WASF1: variants seen among roughly 807,000 people sequenced by gnomAD.
The protein encoded by WASF1 is WASP family member 1, also known as actin-binding protein WASF1.
In WASF1, 7 loss-of-function variants were observed where a neutral mutation model predicts 50.5. The ratio of observed to expected loss-of-function variants is 0.14; its 90% CI spans 0.08 to 0.26. The LOEUF is 0.26. Among genes scored for constraint, WASF1 ranks in the 10% least tolerant of loss-of-function variants. The pLI, the probability that WASF1 is intolerant of heterozygous loss-of-function variation, is 1.00. For missense variants in WASF1, 470 were observed against 694.7 expected, an observed-to-expected ratio of 0.68 and a Z score of 3.64; for synonymous variants, 205 against 244.0, an observed-to-expected ratio of 0.84 and a Z score of 1.49.
intron 4 of WASF1, among the ~76,000 whole-genome samples, chr6:110,124,663 T>C (rs1417042746): frequency 6.6e-6 from 1 of 152,152 alleles, no homozygotes; most frequent in Admixed American, 6.5e-5. Context: ...TCCCAGCACT[T>C]TGGGAGGCCG....
intron 2 of WASF1, among the ~76,000 whole-genome samples, chr6:110,177,522 G>T (rs981058519): frequency 8.6e-5 from 13 of 151,958 alleles, no homozygotes; most frequent in African/African-American, 3.1e-4. Flanking sequence ...TCAGCTAAAA[G>T]ATTTAAATTT....
At chr6:110,118,708 C>T (rs112027458) in intron 4 of WASF1, among the ~76,000 whole-genome samples, 2,623 of 152,254 alleles carry the variant, frequency 0.017, 74 homozygotes, top group African/African-American at 0.059. Context: ...TAGACATCTA[C>T]AGAACTCCAC....
chr6:110,163,538 T>A (rs1776348984), intron 2 of WASF1, among the ~76,000 whole-genome samples: 1 of 151,492 alleles, frequency 6.6e-6, no homozygotes, highest in Non-Finnish European at 1.5e-5. Flanking sequence ...CAAAGTCCTA[T>A]CTCCTAATAC....
intron 2 of WASF1, among the ~76,000 whole-genome samples, chr6:110,164,951 A>G (rs1776412340): frequency 6.6e-6 from 1 of 151,684 alleles, no homozygotes; most frequent in Admixed American, 6.6e-5. Flanking sequence ...TGAAATGGCT[A>G]CATACTCTAT....
Position 110,113,481 on chromosome 6 carries a change from T to C in WASF1, c.134-21A>G. 1.9e-6 allele frequency: 3 copies of C among 1,565,990 alleles called. No homozygotes were observed. The South Asian group carries it at 3.6e-5, about 19-fold the overall frequency. ...TTTACCTAAGCAAAAATGACACATA[T>C]ATCATAAAATTTAACATCCAGAGCA... On this transcript the variant is annotated intron_variant, in intron 4 of 10. Transcript: ENST00000392589.
At chr6:110,106,041 G>A (rs1408080407) in intron 7 of WASF1, among the ~76,000 whole-genome samples, 3 of 152,152 alleles carry the variant, frequency 2.0e-5, no homozygotes, top group Admixed American at 6.5e-5. Flanking sequence ...CTAATTAACC[G>A]ATAATAACTA....
chr6:110,175,865 T>C (rs987886844), intron 2 of WASF1, among the ~76,000 whole-genome samples: 7 of 152,148 alleles, frequency 4.6e-5, no homozygotes, highest in African/African-American at 1.4e-4. Context: ...ATTTTTCCCA[T>C]AGAAAGACTG....
intron 3 of WASF1, among the ~76,000 whole-genome samples, chr6:110,133,053 T>C (rs557957000): frequency 2.5e-4 from 38 of 151,426 alleles, no homozygotes; most frequent in African/African-American, 8.2e-4. Context: ...CTGGATGGAA[T>C]TGGAGACTAT....
intron 2 of WASF1, among the ~76,000 whole-genome samples, chr6:110,171,709 G>A (rs1467131141): frequency 6.6e-6 from 1 of 152,138 alleles, no homozygotes; most frequent in African/African-American, 2.4e-5. Context: ...AAGAGCTTCT[G>A]CACTGCAAAA....
At chr6:110,108,727 G>T in intron 5 of WASF1, 46 bp from the exon 6 acceptor site, 1 of 1,556,100 alleles carries the variant, frequency 6.4e-7, no homozygotes, top group Non-Finnish European at 8.7e-7. Context: ...TTACTAAGAT[G>T]ATTTAACATA....
At chr6:110,121,726 A>C (rs753695847) in intron 4 of WASF1, among the ~76,000 whole-genome samples, 2 of 152,154 alleles carry the variant, frequency 1.3e-5, no homozygotes, top group African/African-American at 4.8e-5. Context: ...TATAAAGACA[A>C]ATGCACATGT....
chr6:110,108,688 C>G lies in WASF1; in HGVS notation c.269-7G>C, dbSNP rs1391508963. ...GTTATATCTTGCAAAGACACTAAAACAAAAATCAAGAATTCATTTTATTTT... is the reference window on the plus strand; with the variant it reads ...GTTATATCTTGCAAAGACACTAAAAGAAAAATCAAGAATTCATTTTATTTT... On this transcript the variant is annotated splice_polypyrimidine_tract_variant and splice_region_variant and intron_variant, in intron 5 of 10. Coordinates refer to ENST00000392589, the MANE Select transcript of WASF1 (RefSeq NM_003931.3). 6.2e-7 allele frequency: 1 copy of G among 1,605,794 alleles called. No homozygotes were observed. The highest frequency in any genetic ancestry group is 1.3e-5 in the African/African-American group (1 of 74,280).
chr6:110,122,040 CG>C (rs901569224), intron 4 of WASF1, among the ~76,000 whole-genome samples: 1 of 118,940 alleles, frequency 8.4e-6, no homozygotes, highest in Non-Finnish European at 1.7e-5. Context: ...GTCGGAGGGT[CG>C]GGGGCTGGGG....
intron 3 of WASF1, among the ~76,000 whole-genome samples, chr6:110,154,773 T>C (rs745536330): frequency 1.5e-3 from 225 of 152,174 alleles, no homozygotes; most frequent in Non-Finnish European, 2.7e-3. Flanking sequence ...CATTTGAAGA[T>C]TTTAAATATT....
intron 4 of WASF1, 148 bp from the exon 5 acceptor site, chr6:110,113,608 G>C: frequency 1.4e-6 from 1 of 729,746 alleles, no homozygotes; most frequent in South Asian, 2.7e-5. Flanking sequence ...ATTACAACTG[G>C]TGACCTGTTG....
chr6:110,133,072 G>A (rs978253694), intron 3 of WASF1, among the ~76,000 whole-genome samples: 3 of 151,446 alleles, frequency 2.0e-5, no homozygotes, highest in African/African-American at 7.3e-5. Flanking sequence ...ATGACTGTAT[G>A]TAAGGTAACT....
intron 3 of WASF1, among the ~76,000 whole-genome samples, chr6:110,137,979 G>A (rs1775044192): frequency 6.6e-6 from 1 of 152,244 alleles, no homozygotes; most frequent in Non-Finnish European, 1.5e-5. Context: ...CTGTGCCAGA[G>A]TTTTGCTCAG....
At chr6:110,105,871 A>C (rs183195605) in intron 7 of WASF1, among the ~76,000 whole-genome samples, 1 of 152,336 alleles carries the variant, frequency 6.6e-6, no homozygotes, top group East Asian at 1.9e-4. Context: ...CTTTCAGATG[A>C]AAAAAGACTC....
intron 3 of WASF1, among the ~76,000 whole-genome samples, chr6:110,146,386 T>C (rs577719808): frequency 4.0e-5 from 6 of 151,754 alleles, no homozygotes; most frequent in Non-Finnish European, 7.4e-5. Context: ...AATGTTTAAA[T>C]AGAGCTTTGC....
Sources: gnomAD v4.1 joint callset for allele counts (sites outside exome capture counted in the v4.1 genomes callset) on GRCh38, gnomAD v4.1.1 for gene constraint, MANE v1.5 for transcripts, NCBI Gene and HGNC (gene_info 2026-07-23, HGNC 2026-07-21) for gene names.